The following NCR1 variants were observed in gnomAD, a reference collection of about 807,000 sequenced individuals.
NCR1 encodes the protein NK cell-activating receptor.
Under a neutral mutation model 32.5 loss-of-function variants are expected in NCR1, and 30 were observed. The ratio of observed to expected loss-of-function variants is 0.92; its 90% CI spans 0.69 to 1.25. NCR1 has a LOEUF of 1.25. NCR1 is among the 50% of genes most tolerant of loss of function. The pLI, the probability that NCR1 is intolerant of heterozygous loss-of-function variation, is 0.00. For missense variants in NCR1, 369 were observed against 380.7 expected (o/e 0.97, Z 0.26); for synonymous variants, 169 against 143.4 (o/e 1.18, Z -1.28).
chr19:54,927,623 C>G, the NCR1 span: 3 of 1,614,074 alleles, frequency 1.9e-6, no homozygotes, highest in Non-Finnish European at 2.5e-6. Context: ...CTTCAAGGAT[C>G]CAGTTCTTTG....
the NCR1 span, chr19:54,934,761 A>G: frequency 1.0e-6 from 1 of 970,414 alleles, no homozygotes; most frequent in Non-Finnish European, 1.5e-6. The surrounding 1 kb of genome is among the most constrained non-coding windows in gnomAD (Gnocchi z 6.7). Flanking sequence ...CCAGTCTGGA[A>G]TGCAAAGGCG....
chr19:54,912,507 G>A (rs1312035910), intron 6 of NCR1, among the ~76,000 whole-genome samples, 183 bp from the exon 7 acceptor site: 3 of 148,518 alleles, frequency 2.0e-5, no homozygotes, highest in Non-Finnish European at 4.5e-5. Flanking sequence ...GCTGAGACAG[G>A]AGAATAGCTT....
the NCR1 span, chr19:54,936,127 C>T: frequency 7.7e-6 from 6 of 778,650 alleles, no homozygotes; most frequent in South Asian, 8.8e-5. Context: ...CCGACTCCCC[C>T]ACACAGGCCT....
rs767326606 is a variant in NCR1 at position 54,909,383 on chromosome 19, A to G, written c.494A>G (p.Gln165Arg). 22 of 1,614,072 alleles carry G rather than the reference A, an allele frequency of 1.4e-5. No homozygotes were observed. In the South Asian group the frequency reaches 2.2e-4, roughly 16 times the overall value. Residue 165 changes from glutamine (Q) to arginine (R), a missense_variant, in exon 4 of 7, where the codon CAG (glutamine) becomes CGG (arginine). By Grantham distance (43) the Gln-to-Arg change is conservative. Transcript: ENST00000291890. ...LLKEGRSSHV[Q>R]RGYGKVQAEF... is the part of the protein sequence containing the mutation. ...AAGGAGGGAAGATCCAGCCACGTAC[A>G]GCGCGGATACGGGAAGGTCCAGGCG...
At chr19:54,905,233 A>C (rs2067509848), upstream of NCR1, among the ~76,000 whole-genome samples, 1 of 152,200 alleles carries the variant, frequency 6.6e-6, no homozygotes, top group African/African-American at 2.4e-5. Context: ...TTTGCTCCAC[A>C]ATCTCACCAG....
chr19:54,915,193 C>G (rs889527176), downstream of NCR1, among the ~76,000 whole-genome samples: 1 of 152,016 alleles, frequency 6.6e-6, no homozygotes, highest in Non-Finnish European at 1.5e-5. Context: ...TCACAGCTCC[C>G]GCAACTATAA....
intron 3 of NCR1, among the ~76,000 whole-genome samples, chr19:54,908,564 C>T (rs587694268): frequency 3.3e-5 from 5 of 151,792 alleles, no homozygotes; most frequent in African/African-American, 7.2e-5. Context: ...ACGGGGCGGC[C>T]GGGCAGAGGC....
chr19:54,909,582 G>A, intron 4 of NCR1, 59 bp downstream of exon 4: 2 of 1,551,234 alleles, frequency 1.3e-6, no homozygotes, highest in Non-Finnish European at 1.7e-6. Flanking sequence ...GGAGCCCTGA[G>A]GGATCCCCAG....
At chr19:54,909,135 A>C in intron 3 of NCR1, 110 bp from the exon 4 acceptor site, 1 of 1,076,324 alleles carries the variant, frequency 9.3e-7, no homozygotes, top group Non-Finnish European at 1.3e-6. Flanking sequence ...GTGTCACTGC[A>C]CTCCAGCCTG....
At chr19:54,927,753 G>A in the NCR1 span, 1 of 1,613,992 alleles carries the variant, frequency 6.2e-7, no homozygotes, top group South Asian at 1.1e-5. Flanking sequence ...CAATAGAAAG[G>A]CATGAGGGAG....
downstream of NCR1, among the ~76,000 whole-genome samples, chr19:54,919,723 C>CCCG (rs1556721799): frequency 8.8e-5 from 13 of 148,012 alleles, no homozygotes; most frequent in East Asian, 2.8e-3. Flanking sequence ...GACCCCCCCC[C>CCCG]CCACCCGCTG....
the NCR1 span, among the ~76,000 whole-genome samples, chr19:54,900,015 A>G: frequency 3.9e-5 from 6 of 152,274 alleles, no homozygotes; most frequent in East Asian, 3.9e-4. Context: ...GTTGGAGAAG[A>G]GAGTAAAAAG....
chr19:54,924,496 C>T, the NCR1 span, among the ~76,000 whole-genome samples: 28 of 152,144 alleles, frequency 1.8e-4, no homozygotes, highest in East Asian at 5.4e-3. Flanking sequence ...TGGTGGTGCA[C>T]GCCTATAGTC....
chr19:54,916,541 C>T (rs2068138216), downstream of NCR1, among the ~76,000 whole-genome samples: 1 of 151,158 alleles, frequency 6.6e-6, no homozygotes, highest in African/African-American at 2.4e-5. Context: ...AACTCCTGGT[C>T]TCAGGTGATC....
At chr19:54,920,205 C>T (rs1259790071), downstream of NCR1, among the ~76,000 whole-genome samples, 4 of 152,162 alleles carry the variant, frequency 2.6e-5, no homozygotes, top group African/African-American at 9.7e-5. Context: ...GGTTCCACAT[C>T]TTTGCAATTG....
chr19:54,919,915 CCTCA>C (rs1258003180), downstream of NCR1, among the ~76,000 whole-genome samples: 2 of 151,552 alleles, frequency 1.3e-5, no homozygotes, highest in African/African-American at 2.4e-5. Flanking sequence ...TCTGGTCACA[CCTCA>C]CTATGTCCCC....
At position 54,912,971 on chromosome 19, in the gene NCR1, C is replaced by A; in HGVS notation, c.*100C>A. The stretch of plus-strand genomic sequence containing the variant: ...GTTGGACCCACGGAGGAGGGAGTCA[C>A]TGCAGGGAAAGAGGGACACTGGCAT... On this transcript the variant is annotated 3_prime_UTR_variant, in exon 7 of 7. Transcript: ENST00000291890. The A allele has an allele frequency of 8.5e-7, 1 of 1,179,172 alleles. No homozygotes were observed. The highest frequency in any genetic ancestry group is 1.2e-6 in the Non-Finnish European group (1 of 844,446). The allele number at this position is 1,179,172 out of a possible 1,614,324, so 73.0% of individuals were successfully genotyped here.
the NCR1 span, chr19:54,930,707 G>A: frequency 6.4e-7 from 1 of 1,565,540 alleles, no homozygotes; most frequent in South Asian, 1.1e-5. Context: ...TTATCCCTCT[G>A]GCTAACGCCC....
At chr19:54,902,813 C>T (rs113904072), upstream of NCR1, among the ~76,000 whole-genome samples, 11,050 of 151,914 alleles carry the variant, frequency 0.073, 490 homozygotes, top group African/African-American at 0.13. Flanking sequence ...ACGCCAGCAC[C>T]GAGTACTGAA....
Sources: allele counts gnomAD v4.1 joint callset (sites outside exome capture counted in the v4.1 genomes callset), GRCh38; gene constraint gnomAD v4.1.1; non-coding constraint Gnocchi (gnomAD v3.1); transcripts MANE v1.5; gene names NCBI Gene and HGNC (gene_info 2026-07-23, HGNC 2026-07-21).